Variants in CATSPERT observed in about 807,000 individuals in gnomAD.
CATSPERT encodes catsper channel auxiliary subunit tau.
At chr2:201,569,970 G>A in the CATSPERT span, among the ~76,000 whole-genome samples, 8 of 152,138 alleles carry the variant, frequency 5.3e-5, no homozygotes, top group South Asian at 2.1e-4. Flanking sequence ...TCACTTGAGC[G>A]CAGGAGTTCG....
chr2:201,498,012 T>A, the CATSPERT span, among the ~76,000 whole-genome samples: 2 of 152,110 alleles, frequency 1.3e-5, no homozygotes, highest in Non-Finnish European at 1.5e-5. Flanking sequence ...AACCATAACC[T>A]TAAACAATAG....
chr2:201,608,186 C>T, the CATSPERT span, among the ~76,000 whole-genome samples: 28 of 152,210 alleles, frequency 1.8e-4, no homozygotes, highest in Admixed American at 9.8e-4. Context: ...CTTGCTTTGT[C>T]ACCCAGGATG....
the CATSPERT span, among the ~76,000 whole-genome samples, chr2:201,488,390 CTTTAA>C: frequency 6.6e-6 from 1 of 152,172 alleles, no homozygotes; most frequent in Non-Finnish European, 1.5e-5. Context: ...TAATAACCAT[CTTTAA>C]TTTATGTACA....
At chr2:201,560,443 A>G in the CATSPERT span, among the ~76,000 whole-genome samples, 2 of 77,406 alleles carry the variant, frequency 2.6e-5, no homozygotes, top group Non-Finnish European at 5.2e-5. Flanking sequence ...AATAATAATA[A>G]TAATAATAAT....
At chr2:201,543,039 G>T in the CATSPERT span, among the ~76,000 whole-genome samples, 1 of 152,184 alleles carries the variant, frequency 6.6e-6, no homozygotes, top group African/African-American at 2.4e-5. Context: ...ATGGTGTTAA[G>T]CAAAAGTCTA....
chr2:201,514,282 CTT>C, the CATSPERT span, among the ~76,000 whole-genome samples: 1 of 152,044 alleles, frequency 6.6e-6, no homozygotes, highest in African/African-American at 2.4e-5. Flanking sequence ...GTGTGAAAAA[CTT>C]CTCATAAAAT....
chr2:201,586,851 C>A, the CATSPERT span, among the ~76,000 whole-genome samples: 20 of 151,968 alleles, frequency 1.3e-4, no homozygotes, highest in East Asian at 5.8e-4. Context: ...TCATTTATTT[C>A]TTTTGTTACT....
the CATSPERT span, among the ~76,000 whole-genome samples, chr2:201,515,735 T>A: frequency 6.6e-6 from 1 of 152,136 alleles, no homozygotes; most frequent in East Asian, 1.9e-4. Context: ...TGTCTCTATG[T>A]CCCCACCCAA....
chr2:201,570,689 A>G, the CATSPERT span, among the ~76,000 whole-genome samples: 1 of 151,882 alleles, frequency 6.6e-6, no homozygotes, highest in Non-Finnish European at 1.5e-5. Context: ...GCCCCTGCCA[A>G]CTCCTCTAGC....
At chr2:201,602,990 T>G in the CATSPERT span, among the ~76,000 whole-genome samples, 2 of 152,166 alleles carry the variant, frequency 1.3e-5, no homozygotes, top group African/African-American at 2.4e-5. Flanking sequence ...CTAAAGCAAC[T>G]AGACATGTAA....
chr2:201,535,804 G>C, the CATSPERT span: 1 of 1,428,610 alleles, frequency 7.0e-7, no homozygotes, highest in South Asian at 1.6e-5. Context: ...TGTCTCCCTA[G>C]TCTTATACTT....
chr2:201,492,605 C>T, the CATSPERT span: 1 of 1,526,472 alleles, frequency 6.6e-7, no homozygotes, highest in South Asian at 1.2e-5. Flanking sequence ...AAACTGCTTT[C>T]TGAAATGTTT....
At chr2:201,507,053 C>T in the CATSPERT span, among the ~76,000 whole-genome samples, 1 of 152,060 alleles carries the variant, frequency 6.6e-6, no homozygotes, top group African/African-American at 2.4e-5. Flanking sequence ...GAAAAAGAAA[C>T]AACAGGTAGA....
the CATSPERT span, among the ~76,000 whole-genome samples, chr2:201,570,634 C>T: frequency 6.6e-6 from 1 of 152,130 alleles, no homozygotes; most frequent in Admixed American, 6.5e-5. Flanking sequence ...GATGTGAGCC[C>T]ATGCAGTCTG....
the CATSPERT span, chr2:201,491,281 GACTTTTT>G: frequency 6.5e-7 from 1 of 1,537,868 alleles, no homozygotes; most frequent in African/African-American, 1.4e-5. Context: ...CTTGTTAAAT[GACTTTTT>G]TGGTTGGGCG....
chr2:201,581,477 AATATATATATAT>A, the CATSPERT span, among the ~76,000 whole-genome samples: 2,790 of 14,802 alleles, frequency 0.19, 330 homozygotes, highest in East Asian at 0.25. Flanking sequence ...CACATTCCGG[AATATATATATAT>A]ATATATATAT....
the CATSPERT span, chr2:201,601,779 G>C: frequency 6.2e-7 from 1 of 1,612,182 alleles, no homozygotes; most frequent in Non-Finnish European, 8.5e-7. Flanking sequence ...CTTAATTACA[G>C]TGTTCTTCTC....
chr2:201,581,593 TACAC>T, the CATSPERT span, among the ~76,000 whole-genome samples: 13 of 30,746 alleles, frequency 4.2e-4, no homozygotes, highest in Non-Finnish European at 6.6e-4. Context: ...TATATATATA[TACAC>T]ATACATATTC....
the CATSPERT span, among the ~76,000 whole-genome samples, chr2:201,517,130 C>A: frequency 6.6e-6 from 1 of 151,980 alleles, no homozygotes; most frequent in African/African-American, 2.4e-5. Flanking sequence ...CCTGAAGTTC[C>A]CCAATGTACT....
Sources: allele counts gnomAD v4.1 joint callset (sites outside exome capture counted in the v4.1 genomes callset), GRCh38; gene constraint gnomAD v4.1.1; transcripts MANE v1.5; gene names NCBI Gene and HGNC (gene_info 2026-07-23, HGNC 2026-07-21).